ZNF385B: variants seen among roughly 807,000 people sequenced by gnomAD.
ZNF385B encodes zinc finger protein 385B, also known as zinc finger protein 533.
In ZNF385B, 23 loss-of-function variants were observed where a neutral mutation model predicts 39.2. That is an observed-to-expected ratio of 0.59 (90% CI 0.42 to 0.83). The LOEUF is 0.83. Among genes scored for constraint, ZNF385B ranks in the 40% least tolerant of loss-of-function variants. ZNF385B has a pLI of 0.00. For synonymous variants in ZNF385B, 205 were observed against 222.6 expected, an observed-to-expected ratio of 0.92 and a Z score of 0.70; for missense variants, 552 against 598.9, an observed-to-expected ratio of 0.92 and a Z score of 0.82.
At chr2:179,672,987 C>T (rs1446105282) in intron 3 of ZNF385B, among the ~76,000 whole-genome samples, 2 of 152,090 alleles carry the variant, frequency 1.3e-5, no homozygotes, top group Admixed American at 1.3e-4. Context: ...AAAAATGAAA[C>T]TCAAGGCCAA....
intron 6 of ZNF385B, among the ~76,000 whole-genome samples, chr2:179,457,185 T>G (rs552887747): frequency 6.6e-6 from 1 of 152,304 alleles, no homozygotes; most frequent in African/African-American, 2.4e-5. Flanking sequence ...GTCTGTAAGA[T>G]TCATCTGTAT....
At chr2:179,628,479 A>G (rs1690878637) in intron 3 of ZNF385B, among the ~76,000 whole-genome samples, 1 of 152,168 alleles carries the variant, frequency 6.6e-6, no homozygotes, top group African/African-American at 2.4e-5. Flanking sequence ...TTTCTTGAAA[A>G]TGGGTAGACC....
chr2:179,854,467 A>G (rs1419951533), intron 1 of ZNF385B, among the ~76,000 whole-genome samples: 1 of 105,946 alleles, frequency 9.4e-6, no homozygotes, highest in Non-Finnish European at 2.2e-5. Flanking sequence ...AGGCTGCCAT[A>G]AAAAAAAAAA....
intron 3 of ZNF385B, 88 bp from the exon 4 acceptor site, chr2:179,545,057 G>A: frequency 6.5e-7 from 1 of 1,539,802 alleles, no homozygotes; most frequent in African/African-American, 1.4e-5. Flanking sequence ...AGTCTGTTGA[G>A]CTGCAACTTG....
intron 3 of ZNF385B, among the ~76,000 whole-genome samples, chr2:179,563,047 C>T (rs1574817732): frequency 6.6e-6 from 1 of 152,188 alleles, no homozygotes; most frequent in East Asian, 1.9e-4. Context: ...AATAAAGATT[C>T]ATATAGTTCA....
intron 3 of ZNF385B, among the ~76,000 whole-genome samples, chr2:179,639,452 A>G (rs1037674335): frequency 7.2e-5 from 11 of 152,106 alleles, no homozygotes; most frequent in African/African-American, 2.7e-4. Context: ...GAGTTGATGA[A>G]TGTGTTAGTG....
At chr2:179,857,375 G>A (rs745617342) in intron 1 of ZNF385B, among the ~76,000 whole-genome samples, 7 of 152,294 alleles carry the variant, frequency 4.6e-5, no homozygotes, top group South Asian at 2.1e-4. Flanking sequence ...ACACTGACTC[G>A]TAGTCCACAC....
intron 3 of ZNF385B, among the ~76,000 whole-genome samples, chr2:179,759,192 CATAG>C (rs2106483486): frequency 6.6e-6 from 1 of 152,226 alleles, no homozygotes; most frequent in African/African-American, 2.4e-5. Context: ...ATTAGTTCTA[CATAG>C]AGAACTAATA....
At chr2:179,631,987 G>A (rs545076352) in intron 3 of ZNF385B, among the ~76,000 whole-genome samples, 5 of 152,148 alleles carry the variant, frequency 3.3e-5, no homozygotes, top group South Asian at 4.2e-4. Context: ...TCAACAAGAC[G>A]AGCTAACTAT....
chr2:179,551,406 G>A (rs1295076063), intron 3 of ZNF385B, among the ~76,000 whole-genome samples: 1 of 150,912 alleles, frequency 6.6e-6, no homozygotes, highest in Non-Finnish European at 1.5e-5. Flanking sequence ...GCATAAGGTA[G>A]GGGCTGATAA....
chr2:179,487,815 A>G (rs2054753596), intron 5 of ZNF385B, among the ~76,000 whole-genome samples: 1 of 152,222 alleles, frequency 6.6e-6, no homozygotes, highest in African/African-American at 2.4e-5. Flanking sequence ...AATTAGAAAG[A>G]GTCGCCCAAA....
chr2:179,605,620 T>C (rs16866850), intron 3 of ZNF385B, among the ~76,000 whole-genome samples: 5,411 of 152,254 alleles, frequency 0.036, 307 homozygotes, highest in East Asian at 0.22. Context: ...TCTGAATAGC[T>C]ATATTTACTG....
chr2:179,690,323 G>T (rs1698261280), intron 3 of ZNF385B, among the ~76,000 whole-genome samples: 1 of 152,134 alleles, frequency 6.6e-6, no homozygotes, highest in African/African-American at 2.4e-5. Context: ...TGATCTAATT[G>T]TACAGTAGTC....
intron 3 of ZNF385B, among the ~76,000 whole-genome samples, chr2:179,658,248 C>T (rs1271277283): frequency 6.6e-6 from 1 of 152,154 alleles, no homozygotes; most frequent in African/African-American, 2.4e-5. Context: ...GTGCTCTTTC[C>T]AGAGGCAGGG....
intron 3 of ZNF385B, among the ~76,000 whole-genome samples, chr2:179,702,722 A>T (rs1699300870): frequency 6.6e-6 from 1 of 152,212 alleles, no homozygotes; most frequent in African/African-American, 2.4e-5. Context: ...TCTTTATGGG[A>T]CAATTTCCAT....
intron 1 of ZNF385B, among the ~76,000 whole-genome samples, chr2:179,787,380 G>A (rs572483334): frequency 2.0e-4 from 30 of 151,924 alleles, no homozygotes; most frequent in African/African-American, 3.1e-4. Context: ...AACATGGTAC[G>A]TAGTAGAAAA....
chr2:179,447,757 T>C (rs890552050), intron 6 of ZNF385B, among the ~76,000 whole-genome samples: 2 of 152,216 alleles, frequency 1.3e-5, no homozygotes, highest in Admixed American at 1.3e-4. Context: ...TTGCCTTAGC[T>C]AATTTGGAAT....
chr2:179,538,253 A>G (rs1048255186), intron 4 of ZNF385B, among the ~76,000 whole-genome samples: 3 of 152,166 alleles, frequency 2.0e-5, no homozygotes, highest in African/African-American at 7.2e-5. Flanking sequence ...TTGGGTTGCA[A>G]AAGTATTCTA....
chr2:179,753,562 A>C (rs912662760), intron 3 of ZNF385B, among the ~76,000 whole-genome samples: 1 of 152,180 alleles, frequency 6.6e-6, no homozygotes, highest in African/African-American at 2.4e-5. Context: ...TATTATTCCT[A>C]TCCATGACCA....
Sources: gnomAD v4.1 joint callset for allele counts (sites outside exome capture counted in the v4.1 genomes callset) on GRCh38, gnomAD v4.1.1 for gene constraint, MANE v1.5 for transcripts, NCBI Gene and HGNC (gene_info 2026-07-23, HGNC 2026-07-21) for gene names.